Variants in DPYD observed in about 807,000 individuals in gnomAD.
DPYD encodes the protein dihydropyrimidine dehydrogenase, also known as dihydropyrimidine dehydrogenase [NADP(+)].
Under a neutral mutation model 116.2 loss-of-function variants are expected in DPYD, and 109 were observed. The ratio of observed to expected loss-of-function variants is 0.94; its 90% CI spans 0.80 to 1.10. The LOEUF (loss-of-function observed/expected upper bound fraction) is 1.10, where lower values mean the gene tolerates loss of function less well. DPYD is among the 50% of genes least tolerant of loss of function. The pLI is 0.00. For synonymous variants in DPYD, 440 were observed against 432.0 expected, an observed-to-expected ratio of 1.02 and a Z score of -0.23; for missense variants, 1,302 against 1,254.5, an observed-to-expected ratio of 1.04 and a Z score of -0.57.
chr1:97,725,874 G>A lies in DPYD; in HGVS notation c.322-4203C>T, dbSNP rs151030148. 2.4e-3 allele frequency among the ~76,000 whole-genome samples: 357 copies of A among 151,516 alleles called. 5 individuals are homozygous for A. The highest frequency in any genetic ancestry group is 8.3e-3 in the African/African-American group (344 of 41,456). On this transcript the variant is annotated intron_variant, in intron 4 of 22. Coordinates refer to ENST00000370192, the MANE Select transcript of DPYD (RefSeq NM_000110.4). ...AAGTATGGAGGTTTTTTTTAGCGGT[G>A]ATAAAATTGTTCTCAAATTGACTGT...
chr1:97,745,081 A>C (rs2101081427), intron 3 of DPYD, among the ~76,000 whole-genome samples: 1 of 152,168 alleles, frequency 6.6e-6, no homozygotes, highest in South Asian at 2.1e-4. Flanking sequence ...TTCTCTTAAT[A>C]ATCCATTAAC....
chr1:97,698,284 C>T (rs1438166186), intron 6 of DPYD, among the ~76,000 whole-genome samples: 1 of 151,440 alleles, frequency 6.6e-6, no homozygotes, highest in Non-Finnish European at 1.5e-5. Flanking sequence ...TTAATGATAG[C>T]TTATACATCA....
intron 8 of DPYD, among the ~76,000 whole-genome samples, chr1:97,640,771 C>A (rs1199879905): frequency 6.6e-6 from 1 of 152,058 alleles, no homozygotes; most frequent in Admixed American, 6.6e-5. Flanking sequence ...TGCCCCTTTA[C>A]ACAAGTGGTC....
At chr1:97,789,908 C>T (rs1355830182) in intron 3 of DPYD, among the ~76,000 whole-genome samples, 2 of 152,056 alleles carry the variant, frequency 1.3e-5, no homozygotes, top group Non-Finnish European at 2.9e-5. Flanking sequence ...TGCTTTAAGT[C>T]TTTGATAGAC....
chr1:97,459,234 A>C (rs1040783610), intron 13 of DPYD, among the ~76,000 whole-genome samples: 2 of 152,158 alleles, frequency 1.3e-5, no homozygotes, highest in Admixed American at 1.3e-4. Context: ...TATCTGGGCA[A>C]GTTACCTGAA....
At chr1:97,829,092 T>C (rs1057434268) in intron 2 of DPYD, among the ~76,000 whole-genome samples, 2 of 151,876 alleles carry the variant, frequency 1.3e-5, no homozygotes, top group Non-Finnish European at 2.9e-5. Context: ...AGATTTCTTA[T>C]GGAATTTACT....
rs1380447081 is a variant in DPYD, at chr1:97,079,003, T to C, written c.3051A>G (p.Val1017=). 4.3e-6 allele frequency: 7 copies of C among 1,613,572 alleles called. No homozygotes were observed. Among genetic ancestry groups the C allele is most frequent in the Non-Finnish European group, 5.9e-6 (7 of 1,179,682 alleles). The change falls in exon 23 of 23, where the codon GTA becomes GTG. Residue 1017 remains valine, a synonymous_variant. Coordinates refer to ENST00000370192, the MANE Select transcript of DPYD (RefSeq NM_000110.4). ...RTTPYEPKRG[V]PLSVNPVC is the part of the protein sequence containing the mutation. ...AACACACCGGATTCACAGATAAGGG[T>C]ACGCCTCTCTTTGGTTCATAAGGTG...
At chr1:97,105,607 T>C (rs777937542) in intron 20 of DPYD, among the ~76,000 whole-genome samples, 12 of 152,116 alleles carry the variant, frequency 7.9e-5, no homozygotes, top group African/African-American at 2.2e-4. Flanking sequence ...CTGGAATTTA[T>C]AGCCAGAAGC....
At chr1:97,347,356 T>G (rs1669911937) in intron 16 of DPYD, among the ~76,000 whole-genome samples, 1 of 152,036 alleles carries the variant, frequency 6.6e-6, no homozygotes, top group South Asian at 2.1e-4. Flanking sequence ...CTACCAAACA[T>G]ATTTTCCGTA....
chr1:97,095,974 G>T (rs1650218624), intron 21 of DPYD: 1 of 152,092 alleles, frequency 6.6e-6, no homozygotes, highest in Non-Finnish European at 1.5e-5. Flanking sequence ...CACTGATAAG[G>T]TCTAAGATGC....
chr1:97,181,789 A>G (rs1657663667), intron 20 of DPYD, among the ~76,000 whole-genome samples: 1 of 152,156 alleles, frequency 6.6e-6, no homozygotes, highest in African/African-American at 2.4e-5. Context: ...TTGCCTATCT[A>G]TCTATGCCTC....
intron 3 of DPYD, among the ~76,000 whole-genome samples, chr1:97,749,558 C>G (rs1182656696): frequency 2.6e-5 from 4 of 152,130 alleles, no homozygotes; most frequent in Non-Finnish European, 4.4e-5. Flanking sequence ...ATACCTATAT[C>G]TTATATACCA....
At chr1:97,231,079 T>C (rs937967500) in intron 19 of DPYD, among the ~76,000 whole-genome samples, 1 of 151,246 alleles carries the variant, frequency 6.6e-6, no homozygotes, top group Non-Finnish European at 1.5e-5. Context: ...ATCTGCACCC[T>C]GAGCACACAT....
chr1:97,086,127 C>T (rs1043186960), intron 21 of DPYD, among the ~76,000 whole-genome samples: 2 of 152,158 alleles, frequency 1.3e-5, no homozygotes, highest in Non-Finnish European at 2.9e-5. Context: ...GATCTCGGCT[C>T]ACTGCAAGCT....
chr1:97,908,594 A>G (rs1009959013), intron 1 of DPYD, among the ~76,000 whole-genome samples: 6 of 151,940 alleles, frequency 3.9e-5, no homozygotes, highest in African/African-American at 1.5e-4. Flanking sequence ...CTCACCACCA[A>G]TAATTCTTGT....
At chr1:97,297,469 T>G (rs1570457164) in intron 18 of DPYD, among the ~76,000 whole-genome samples, 1 of 152,312 alleles carries the variant, frequency 6.6e-6, no homozygotes, top group South Asian at 2.1e-4. Flanking sequence ...TTCAAGCAGC[T>G]TCCAGGATTG....
chr1:97,561,104 G>A (rs971017128), intron 11 of DPYD, among the ~76,000 whole-genome samples: 2 of 152,184 alleles, frequency 1.3e-5, no homozygotes, highest in Non-Finnish European at 2.9e-5. Flanking sequence ...AAATAGGACA[G>A]CATTTGTAGA....
chr1:97,457,826 G>T (rs568495742), intron 13 of DPYD, among the ~76,000 whole-genome samples: 1 of 152,262 alleles, frequency 6.6e-6, no homozygotes, highest in African/African-American at 2.4e-5. Context: ...AGAATCCATT[G>T]TGTTCTGTCT....
At chr1:97,336,832 C>T (rs999373783) in intron 16 of DPYD, among the ~76,000 whole-genome samples, 6 of 152,020 alleles carry the variant, frequency 3.9e-5, no homozygotes, top group African/African-American at 1.4e-4. Context: ...GACTTAGGAA[C>T]AAGGTGAAAA....
Sources: gnomAD v4.1 joint callset for allele counts (sites outside exome capture counted in the v4.1 genomes callset) on GRCh38, gnomAD v4.1.1 for gene constraint, MANE v1.5 for transcripts, NCBI Gene and HGNC (gene_info 2026-07-23, HGNC 2026-07-21) for gene names.